The following TRMT44 variants were observed in gnomAD, a reference collection of about 807,000 sequenced individuals.
TRMT44 encodes the protein probable tRNA (uracil-O(2)-)-methyltransferase.
A neutral mutation model predicts 77.3 loss-of-function variants in TRMT44; 78 were observed. That is an observed-to-expected ratio of 1.01 (90% CI 0.84 to 1.22). TRMT44 has a LOEUF of 1.22. Ranked by LOEUF, TRMT44 falls within the 50% of genes most tolerant of loss-of-function variation. The pLI is 0.00. For synonymous variants in TRMT44, 391 were observed against 383.3 expected, an observed-to-expected ratio of 1.02 and a Z score of -0.23; for missense variants, 1,090 against 964.4, an observed-to-expected ratio of 1.13 and a Z score of -1.73.
intron 10 of TRMT44, among the ~76,000 whole-genome samples, chr4:8,475,034 C>T (rs1727284649): frequency 6.6e-6 from 1 of 152,210 alleles, no homozygotes; most frequent in Non-Finnish European, 1.5e-5. Context: ...ATAGGCAGGT[C>T]CCCCTTCGTG....
At chr4:8,477,308 C>T (rs62287396), downstream of TRMT44, 4,200 of 152,414 alleles carry the variant, frequency 0.028, 71 homozygotes, top group South Asian at 0.04. Flanking sequence ...AGACCCTGCC[C>T]TCTGAGTTCC....
intron 2 of TRMT44, among the ~76,000 whole-genome samples, chr4:8,488,927 C>T (rs1161539625): frequency 6.6e-6 from 1 of 152,158 alleles, no homozygotes; most frequent in Non-Finnish European, 1.5e-5. Context: ...GGAAAATCAC[C>T]AGTAAGAGGA....
chr4:8,504,829 C>T, the TRMT44 span, among the ~76,000 whole-genome samples: 2 of 152,224 alleles, frequency 1.3e-5, no homozygotes, highest in Admixed American at 6.5e-5. The surrounding 1 kb of genome is among the most constrained non-coding windows in gnomAD (Gnocchi z 5.3). Context: ...GTCTGCCTCA[C>T]CACCCCAGTC....
chr4:8,443,316 AT>A (rs145009892), intron 1 of TRMT44, among the ~76,000 whole-genome samples: 2 of 152,162 alleles, frequency 1.3e-5, no homozygotes, highest in Non-Finnish European at 2.9e-5. Context: ...GTAGGACAGA[AT>A]TTTTTCCTTT....
intron 8 of TRMT44, among the ~76,000 whole-genome samples, chr4:8,466,405 G>C (rs985987078): frequency 1.3e-5 from 2 of 152,254 alleles, no homozygotes; most frequent in African/African-American, 4.8e-5. Flanking sequence ...GGCTGGACAG[G>C]ATGATGTCTT....
At chr4:8,498,041 C>T (rs1311088083), downstream of TRMT44, among the ~76,000 whole-genome samples, 3 of 152,228 alleles carry the variant, frequency 2.0e-5, no homozygotes, top group Non-Finnish European at 4.4e-5. This position sits in a 1 kb window ranked among gnomAD's most constrained non-coding sequence, Gnocchi z 4.3. Flanking sequence ...TGTGGACTCC[C>T]ACCCACTCCA....
chr4:8,491,142 G>A (rs1032959858), intron 2 of TRMT44, among the ~76,000 whole-genome samples: 6 of 151,696 alleles, frequency 4.0e-5, no homozygotes, highest in African/African-American at 1.5e-4. Context: ...TAGATACAGA[G>A]TGTCCGATTG....
intron 6 of TRMT44, among the ~76,000 whole-genome samples, chr4:8,457,882 G>C (rs1012440993): frequency 2.0e-5 from 3 of 152,206 alleles, no homozygotes; most frequent in African/African-American, 7.2e-5. Context: ...TCATGAAAGA[G>C]ACTGTGGATA....
the TRMT44 span, among the ~76,000 whole-genome samples, chr4:8,511,278 A>G: frequency 2.6e-5 from 4 of 152,316 alleles, no homozygotes; most frequent in South Asian, 8.3e-4. Flanking sequence ...ACAGGCCTGA[A>G]AATGTTAAGA....
rs116520581 is a variant in TRMT44 at position 8,468,067 on chromosome 4, A to C, written c.1648A>C (p.Ser550Arg). The change falls in exon 9 of 11, where the codon AGT becomes CGT. Residue 550 changes from serine (S) to arginine (R), a missense_variant. By Grantham distance (110) the Ser-to-Arg change is moderately radical (BLOSUM62 -1). Coordinates refer to ENST00000389737, the MANE Select transcript of TRMT44 (RefSeq NM_152544.3). ...SPSPRWVAAG[S>R]AGHCDGQQAL... The stretch of plus-strand genomic sequence containing the variant: ...TTCTCCACGCTGGGTTGCTGCTGGC[A>C]GTGCTGGTCACTGTGACGGTCAGCA... 2.7e-3 allele frequency: 4,313 copies of C among 1,613,964 alleles called. 109 individuals are homozygous for C. In the African/African-American group the frequency reaches 0.052, roughly 19 times the overall value.
intron 6 of TRMT44, among the ~76,000 whole-genome samples, chr4:8,460,395 C>G (rs1726069421): frequency 6.6e-6 from 1 of 152,242 alleles, no homozygotes; most frequent in Non-Finnish European, 1.5e-5. Context: ...GTACTCCATG[C>G]AGTCACCCAG....
Position 8,451,914 on chromosome 4 carries a change from G to A in TRMT44, c.955-46G>A. 1.3e-6 allele frequency: 2 copies of A among 1,496,324 alleles called. No individual in the cohort carries two copies. The highest frequency in any genetic ancestry group is 1.8e-6 in the Non-Finnish European group (2 of 1,110,676). The allele number at this position is 1,496,324 out of a possible 1,614,324, so 92.7% of individuals were successfully genotyped here. A position where few individuals can be genotyped will look rare whatever the true frequency, so the allele number is the denominator to read the frequency against. ...GATACTTAAAGTATTGGGAAATGGTGGTGGGGAAACCGAACAATTTATGTT... is the reference window on the plus strand; with the variant it reads ...GATACTTAAAGTATTGGGAAATGGTAGTGGGGAAACCGAACAATTTATGTT... On this transcript the variant is annotated intron_variant, in intron 3 of 10. Coordinates refer to ENST00000389737, the MANE Select transcript of TRMT44 (RefSeq NM_152544.3). The surrounding 1 kb of genome is among the most constrained non-coding windows in gnomAD (Gnocchi z 4.1).
intron 5 of TRMT44, 173 bp from the exon 6 acceptor site, chr4:8,454,569 G>A: frequency 1.6e-6 from 1 of 613,384 alleles, no homozygotes; most frequent in Non-Finnish European, 2.9e-6. Flanking sequence ...TCGTATCACA[G>A]GGTAATGGCA....
rs1339313839 is a variant in TRMT44 at position 8,441,295 on chromosome 4, C to A, written c.473C>A (p.Ser158Ter). ...DFSQSLARGN[S>*]ELLAFLTSSG... Reference sequence around the variant, plus strand: ...TCCCAAAGTCTCGCCCGTGGCAATTCGGAGTTGCTGGCCTTCCTCACCAGC... The same window carrying A: ...TCCCAAAGTCTCGCCCGTGGCAATTAGGAGTTGCTGGCCTTCCTCACCAGC... The change falls in exon 1 of 11, where the codon TCG (serine) becomes TAG (stop). Residue 158 changes from serine to a stop codon, truncating the protein, a stop_gained. Coordinates refer to ENST00000389737, the MANE Select transcript of TRMT44 (RefSeq NM_152544.3). LOFTEE classifies it high-confidence loss of function. 4 of 1,535,460 alleles carry A rather than the reference C, an allele frequency of 2.6e-6. No individual in the cohort carries two copies.
In TRMT44 at chr4:8,476,127, C is replaced by T. The variant is rs1007875333; in HGVS notation, c.*126C>T. On this transcript the variant is annotated 3_prime_UTR_variant, in exon 11 of 11. Transcript: ENST00000389737. ...GCCCACCTCCTCCCAGCTTTCTCCA[C>T]ATCCTCACAGTGATGAACCGTATTT... 8.6e-6 allele frequency: 7 copies of T among 814,422 alleles called. No homozygotes were observed. The highest frequency in any genetic ancestry group is 2.5e-5 in the Admixed American group (1 of 39,436). 50.4% of individuals were successfully genotyped at this position (814,422 alleles called of 1,614,324 possible).
chr4:8,483,322 T>A (rs111508022), intron 2 of TRMT44, among the ~76,000 whole-genome samples: 1 of 152,020 alleles, frequency 6.6e-6, no homozygotes, highest in Non-Finnish European at 1.5e-5. Context: ...CAGTGTAAAC[T>A]GGCAGTGTAA....
At chr4:8,485,446 G>A (rs1727773720) in intron 2 of TRMT44, among the ~76,000 whole-genome samples, 1 of 152,172 alleles carries the variant, frequency 6.6e-6, no homozygotes, top group Non-Finnish European at 1.5e-5. Flanking sequence ...GAGTTTATAG[G>A]TTTTAGAAGC....
intron 2 of TRMT44, among the ~76,000 whole-genome samples, chr4:8,488,390 T>C (rs558093900): frequency 7.9e-5 from 12 of 152,240 alleles, no homozygotes; most frequent in African/African-American, 2.4e-4. Flanking sequence ...GGGGCCGTTT[T>C]ATAAGATTTG....
chr4:8,473,989 G>A (rs1048552214), intron 10 of TRMT44, among the ~76,000 whole-genome samples: 3 of 152,236 alleles, frequency 2.0e-5, no homozygotes, highest in Non-Finnish European at 4.4e-5. Flanking sequence ...CACCCTGCAG[G>A]TCCTGCTTCC....
Sources: gnomAD v4.1 joint callset for allele counts (sites outside exome capture counted in the v4.1 genomes callset) on GRCh38, gnomAD v4.1.1 for gene constraint, Gnocchi (gnomAD v3.1) non-coding constraint, MANE v1.5 for transcripts, NCBI Gene and HGNC (gene_info 2026-07-23, HGNC 2026-07-21) for gene names.